DSCAM: variants seen among roughly 807,000 people sequenced by gnomAD.
DSCAM encodes the protein cell adhesion molecule DSCAM.
DSCAM carries 47 observed loss-of-function variants against 217.7 expected under a neutral mutation model. The observed-to-expected ratio is 0.22, with a 90% CI of 0.17 to 0.28. The LOEUF is 0.28. Ranked by LOEUF, DSCAM falls within the 10% of genes least tolerant of loss-of-function variation. The pLI is 1.00. For synonymous variants in DSCAM, 1,056 were observed against 1,015.3 expected (o/e 1.04, Z -0.76); for missense variants, 2,080 against 2,618.3 (o/e 0.79, Z 4.49).
Position 40,044,174 on chromosome 21 carries a change from T to C in DSCAM, c.5287A>G (p.Thr1763Ala). 1 of 1,614,090 alleles carries C rather than the reference T, an allele frequency of 6.2e-7. No individual in the cohort carries two copies. The highest frequency in any genetic ancestry group is 1.7e-5 in the Admixed American group (1 of 60,014). Residue 1763 changes from threonine (T) to alanine (A), a missense_variant, in exon 31 of 33, where the codon ACC becomes GCC. Physicochemically the swap from Thr to Ala is moderately conservative, Grantham distance 58 (BLOSUM62 0). Around this residue, in one of 5 missense-constraint regions of DSCAM, gnomAD observed 1,144 missense variants for 1,421.1 expected, o/e 0.81. Coordinates refer to ENST00000400454, the MANE Select transcript of DSCAM (RefSeq NM_001389.5). ...NRPHPTISAH[T>A]LTTDWRLPTP... ...GGCAGCCTCCAGTCTGTGGTGAGGG[T>C]GTGTGCTGAGATGGTGGGGTGGGGT... is the stretch of plus-strand genomic sequence containing the variant.
At chr21:40,032,588 C>G (rs77740720) in intron 32 of DSCAM, among the ~76,000 whole-genome samples, 3,311 of 152,146 alleles carry the variant, frequency 0.022, 127 homozygotes, top group African/African-American at 0.077. Flanking sequence ...AAGAGAGATT[C>G]TTTTACTAGT....
In DSCAM at chr21:40,246,354, T is replaced by TAAAAAAAAA. The variant is rs34308158; in HGVS notation, c.2356+29734_2356+29742dup. Reference sequence around the variant, plus strand: ...CAACATGATGAAACCCAGTCCGTACTAAAAAAAAAAAAAAAAAAAAAAAAA... The same window carrying TAAAAAAAAA: ...CAACATGATGAAACCCAGTCCGTACTAAAAAAAAAAAAAAAAAAAAAAAAAAAAAAAAAA... On this transcript the variant is annotated intron_variant, in intron 11 of 32. Transcript: ENST00000400454. Among the ~76,000 whole-genome samples the TAAAAAAAAA allele has an allele frequency of 9.3e-4, 13 of 13,936 alleles. 3 individuals carry two copies. Among genetic ancestry groups the TAAAAAAAAA allele is most frequent in the African/African-American group, 3.2e-3 (12 of 3,736 alleles). The allele number at this position is 13,936 out of a possible 152,430, so 9.1% of individuals were successfully genotyped here.
chr21:40,336,715 AC>A (rs2074433036), intron 8 of DSCAM, among the ~76,000 whole-genome samples: 1 of 152,234 alleles, frequency 6.6e-6, no homozygotes, highest in Non-Finnish European at 1.5e-5. Context: ...AGTATGGAGT[AC>A]CATTAGGTGT....
intron 3 of DSCAM, chr21:40,615,392 TTTA>T (rs1225435070): frequency 1.3e-5 from 2 of 152,034 alleles, no homozygotes; most frequent in African/African-American, 4.8e-5. Flanking sequence ...TTTTATCAGC[TTTA>T]TTTTTTTTTA....
In DSCAM at chr21:40,442,042, T is replaced by C. The variant is rs149939263; in HGVS notation, c.509-72797A>G. Reference sequence around the variant, plus strand: ...TTATAGATCCAGAGGGTAGAGGTTATGAAGACAACCAAACAATTACAACTT... The same window carrying C: ...TTATAGATCCAGAGGGTAGAGGTTACGAAGACAACCAAACAATTACAACTT... On this transcript the variant is annotated intron_variant, in intron 3 of 32. Coordinates refer to ENST00000400454, the MANE Select transcript of DSCAM (RefSeq NM_001389.5). Among the ~76,000 whole-genome samples, 28 of 152,332 alleles carry C rather than the reference T, an allele frequency of 1.8e-4. No individual in the cohort carries two copies. The East Asian group carries it at 5.4e-3, about 29-fold the overall frequency.
intron 27 of DSCAM, among the ~76,000 whole-genome samples, chr21:40,074,273 C>G (rs1425812443): frequency 1.3e-5 from 2 of 152,146 alleles, no homozygotes; most frequent in Admixed American, 6.5e-5. Flanking sequence ...ATGAAAATCC[C>G]TTGTAATACA....
intron 13 of DSCAM, among the ~76,000 whole-genome samples, chr21:40,187,571 G>C (rs1410945258): frequency 1.3e-5 from 2 of 152,070 alleles, no homozygotes; most frequent in Admixed American, 1.3e-4. Context: ...CTTTCATTCT[G>C]GTCATCTAGT....
intron 1 of DSCAM, among the ~76,000 whole-genome samples, chr21:40,760,081 C>T (rs904365977): frequency 6.6e-6 from 1 of 151,896 alleles, no homozygotes; most frequent in Non-Finnish European, 1.5e-5. Context: ...GCAACCTCCA[C>T]CCCCCAGGTT....
intron 1 of DSCAM, among the ~76,000 whole-genome samples, chr21:40,709,798 A>G (rs1011774210): frequency 2.6e-5 from 4 of 152,342 alleles, no homozygotes; most frequent in South Asian, 2.1e-4. Flanking sequence ...CACAATAAAC[A>G]TATGTGTGCA....
At chr21:40,670,469 C>T (rs535302393) in intron 3 of DSCAM, among the ~76,000 whole-genome samples, 131 of 146,730 alleles carry the variant, frequency 8.9e-4, no homozygotes, top group Non-Finnish European at 1.3e-3. Context: ...ACCCGGGAGG[C>T]GGAGGTTGCA....
intron 1 of DSCAM, among the ~76,000 whole-genome samples, chr21:40,836,603 A>G (rs1421860088): frequency 6.6e-6 from 1 of 152,200 alleles, no homozygotes; most frequent in Non-Finnish European, 1.5e-5. Flanking sequence ...GTTCATCGAG[A>G]TGTACTTGGA....
chr21:40,606,671 C>T (rs1465699044), intron 3 of DSCAM, among the ~76,000 whole-genome samples: 1 of 152,218 alleles, frequency 6.6e-6, no homozygotes, highest in East Asian at 1.9e-4. Flanking sequence ...GAGCAGCCCA[C>T]TTCTGTATGC....
At chr21:40,334,432 T>C (rs2060801824) in intron 8 of DSCAM, among the ~76,000 whole-genome samples, 1 of 152,152 alleles carries the variant, frequency 6.6e-6, no homozygotes, top group Admixed American at 6.5e-5. Context: ...TTTATTTTCC[T>C]CACACCTGTA....
chr21:40,454,411 G>T (rs1034753758), intron 3 of DSCAM, among the ~76,000 whole-genome samples: 1 of 152,134 alleles, frequency 6.6e-6, no homozygotes, highest in Non-Finnish European at 1.5e-5. Flanking sequence ...AGTTTTCTGT[G>T]AAGACCACTC....
intron 25 of DSCAM, 70 bp downstream of exon 25, chr21:40,080,082 T>C: frequency 1.5e-6 from 2 of 1,291,404 alleles, no homozygotes; most frequent in Non-Finnish European, 2.1e-6. Flanking sequence ...ATGGATCTTT[T>C]ATGATTCCAA....
rs771674036 is a variant in DSCAM, at chr21:40,042,375, C to A, written c.5682G>T (p.Arg1894=). ...VMNMAVPKAH[R]PGDLIHLPPY... ...CAGGTGGCCTTGCTCACCTACCTGG[C>A]CGATGTGCCTTTGGAACTGCCATAT... is the stretch of plus-strand genomic sequence containing the variant. Residue 1894 remains arginine, a synonymous_variant, in exon 32 of 33, where the codon CGG becomes CGT. Coordinates refer to ENST00000400454, the MANE Select transcript of DSCAM (RefSeq NM_001389.5). 6.2e-7 allele frequency: 1 copy of A among 1,613,032 alleles called. No individual in the cohort carries two copies. The highest frequency in any genetic ancestry group is 1.7e-5 in the Admixed American group (1 of 60,012).
At chr21:40,839,185 A>C (rs1202611573) in intron 1 of DSCAM, among the ~76,000 whole-genome samples, 3 of 152,200 alleles carry the variant, frequency 2.0e-5, no homozygotes, top group Non-Finnish European at 2.9e-5. Flanking sequence ...TGTCAATCAC[A>C]AAGCCTGGGG....
At chr21:40,232,964 A>G (rs2146927432) in intron 11 of DSCAM, among the ~76,000 whole-genome samples, 1 of 152,256 alleles carries the variant, frequency 6.6e-6, no homozygotes, top group Admixed American at 6.5e-5. Flanking sequence ...TTATAAATGT[A>G]GTTTAATATA....
intron 11 of DSCAM, among the ~76,000 whole-genome samples, chr21:40,251,380 T>G (rs2073302415): frequency 6.6e-6 from 1 of 152,204 alleles, no homozygotes; most frequent in African/African-American, 2.4e-5. Flanking sequence ...ACAAGGAGAT[T>G]TATCACTATA....
Sources: allele counts gnomAD v4.1 joint callset (sites outside exome capture counted in the v4.1 genomes callset), GRCh38; gene constraint gnomAD v4.1.1; regional missense constraint gnomAD v4.1.1; transcripts MANE v1.5; gene names NCBI Gene and HGNC (gene_info 2026-07-23, HGNC 2026-07-21).